The following RBM7 variants were observed in gnomAD, a reference collection of about 807,000 sequenced individuals.
RBM7 encodes RNA binding motif protein 7, also known as RNA-binding protein 7.
Under a neutral mutation model 31.0 loss-of-function variants are expected in RBM7, and 13 were observed. The observed-to-expected ratio is 0.42, with a 90% CI of 0.27 to 0.67. The LOEUF (loss-of-function observed/expected upper bound fraction) is 0.67. Ranked by LOEUF, RBM7 falls within the 30% of genes least tolerant of loss-of-function variation. The pLI is 0.24. For missense variants in RBM7, 245 were observed against 326.2 expected, an observed-to-expected ratio of 0.75 and a Z score of 1.92; for synonymous variants, 106 against 111.2, an observed-to-expected ratio of 0.95 and a Z score of 0.30.
chr11:114,409,372 T>TTTG lies in RBM7; in HGVS notation c.*1567_*1568insGTT, dbSNP rs1946309903. On this transcript the variant is annotated 3_prime_UTR_variant, in exon 5 of 5. Coordinates refer to ENST00000375490, the MANE Select transcript of RBM7 (RefSeq NM_001286045.2). ...ACGAAGATTAATACTGCATGTTTGT[T>TTTG]TTTGTTTTTTTTTTGAGACAGAGTC... is the stretch of plus-strand genomic sequence containing the variant. The TTTG allele has an allele frequency of 6.6e-6, 1 of 151,120 alleles. No homozygotes were observed. Among genetic ancestry groups the TTTG allele is most frequent in the Non-Finnish European group, 1.5e-5 (1 of 67,674 alleles). The allele number at this position is 151,120 out of a possible 1,614,324, so 9.4% of individuals were successfully genotyped here. A position where few individuals can be genotyped will look rare whatever the true frequency, so the allele number is the denominator to read the frequency against.
At chr11:114,403,961 A>G (rs1355849940) in intron 3 of RBM7, among the ~76,000 whole-genome samples, 1 of 152,228 alleles carries the variant, frequency 6.6e-6, no homozygotes, top group Non-Finnish European at 1.5e-5. Context: ...TAAGAGAAGG[A>G]GATGATATAG....
chr11:114,403,653 C>G, intron 3 of RBM7, among the ~76,000 whole-genome samples: 1 of 152,158 alleles, frequency 6.6e-6, no homozygotes, highest in East Asian at 1.9e-4. Flanking sequence ...TTCACCATAT[C>G]TTTTACATAT....
intron 4 of RBM7, chr11:114,406,064 A>T: frequency 3.0e-6 from 1 of 329,764 alleles, no homozygotes; most frequent in Non-Finnish European, 5.5e-6. Context: ...TAGAAGTAAA[A>T]CTGCTTTTAC....
intron 4 of RBM7, chr11:114,407,143 A>G (rs1192251388): frequency 4.2e-6 from 1 of 236,756 alleles, no homozygotes; most frequent in African/African-American, 2.3e-5. Flanking sequence ...TGCCACCTTC[A>G]TGAAACCTTT....
At chr11:114,404,970 A>C (rs1284847275) in intron 3 of RBM7, among the ~76,000 whole-genome samples, 2 of 152,224 alleles carry the variant, frequency 1.3e-5, no homozygotes, top group Non-Finnish European at 2.9e-5. Context: ...AATCCTCAAA[A>C]GTAATATCCT....
intron 1 of RBM7, 52 bp from the exon 2 acceptor site, chr11:114,401,646 G>A: frequency 7.5e-7 from 1 of 1,337,390 alleles, no homozygotes; most frequent in Non-Finnish European, 1.0e-6. Flanking sequence ...TAAAATTTGA[G>A]TATTTTCCCT....
chr11:114,407,197 A>G (rs1446469105), intron 4 of RBM7: 2 of 349,490 alleles, frequency 5.7e-6, no homozygotes, highest in Non-Finnish European at 1.0e-5. Flanking sequence ...TTACACAGTG[A>G]TTTTGCATTA....
Position 114,407,626 on chromosome 11 carries a change from A to G in RBM7, c.623A>G (p.Tyr208Cys). Residue 208 changes from tyrosine (Y) to cysteine (C), a missense_variant, in exon 5 of 5, where the codon TAC (tyrosine) becomes TGC (cysteine). Physicochemically the swap from Tyr to Cys is radical, Grantham distance 194. Transcript: ENST00000375490. ...QRKVRMNSYP[Y>C]LADRHYSREQ... Reference sequence around the variant, plus strand: ...AAAGTCAGAATGAATTCTTATCCCTACCTAGCAGATAGACATTATAGCCGG... The same window carrying G: ...AAAGTCAGAATGAATTCTTATCCCTGCCTAGCAGATAGACATTATAGCCGG... The G allele has an allele frequency of 1.2e-6, 2 of 1,614,106 alleles. No individual in the cohort carries two copies. Among genetic ancestry groups the G allele is most frequent in the South Asian group, 1.1e-5 (1 of 91,080 alleles).
At chr11:114,400,850 T>A in intron 1 of RBM7, 83 bp downstream of exon 1, 1 of 1,531,300 alleles carries the variant, frequency 6.5e-7, no homozygotes, top group Non-Finnish European at 8.9e-7. Context: ...TTTCTTTTCG[T>A]AGCCGTCAGG....
In RBM7 at chr11:114,407,480, A is replaced by C; in HGVS notation, c.477A>C (p.Gly159=). 6.2e-7 allele frequency: 1 copy of C among 1,613,848 alleles called. No homozygotes were observed. ...NSALRQMSYG[G]KFGSSPLDQS... is the part of the protein sequence containing the mutation. ...CTTTGAGACAAATGTCATATGGTGG[A>C]AAATTTGGTTCTTCACCTCTGGATC... Residue 159 remains glycine (G), a synonymous_variant, in exon 5 of 5, where the codon GGA becomes GGC. Coordinates refer to ENST00000375490, the MANE Select transcript of RBM7 (RefSeq NM_001286045.2).
chr11:114,402,784 T>C, intron 2 of RBM7, 44 bp from the exon 3 acceptor site: 1 of 1,505,222 alleles, frequency 6.6e-7, no homozygotes, highest in South Asian at 1.1e-5. Flanking sequence ...AATTTCAAAT[T>C]AGATTTTCTA....
At position 114,407,960 on chromosome 11, in the gene RBM7, T is replaced by G; in HGVS notation, c.*153T>G. Reference sequence around the variant, plus strand: ...TTTAAAGCTACAGTTTAATACAAAATGAATTGCGGTTTTATTACATTAATA... The same window carrying G: ...TTTAAAGCTACAGTTTAATACAAAAGGAATTGCGGTTTTATTACATTAATA... On this transcript the variant is annotated 3_prime_UTR_variant, in exon 5 of 5. Coordinates refer to ENST00000375490, the MANE Select transcript of RBM7 (RefSeq NM_001286045.2). 1.0e-5 allele frequency: 9 copies of G among 880,300 alleles called. No individual in the cohort carries two copies. The highest frequency in any genetic ancestry group is 1.5e-5 in the Non-Finnish European group (9 of 616,090). 54.5% of individuals were successfully genotyped at this position (880,300 alleles called of 1,614,324 possible). A position where few individuals can be genotyped will look rare whatever the true frequency, so the allele number is the denominator to read the frequency against.
intron 3 of RBM7, among the ~76,000 whole-genome samples, chr11:114,404,002 C>T (rs1023968240): frequency 6.6e-6 from 1 of 152,046 alleles, no homozygotes; most frequent in Non-Finnish European, 1.5e-5. Flanking sequence ...AGCCAGTGTA[C>T]CTAGATCATA....
At chr11:114,401,959 C>G in intron 2 of RBM7, 99 bp downstream of exon 2, 1 of 1,282,232 alleles carries the variant, frequency 7.8e-7, no homozygotes, top group Non-Finnish European at 1.1e-6. Flanking sequence ...AAACTTCTTT[C>G]TTAAGCATTG....
chr11:114,407,588 A>G lies in RBM7; in HGVS notation c.585A>G (p.Pro195=). 6 of 1,614,204 alleles carry G rather than the reference A, an allele frequency of 3.7e-6. No homozygotes were observed. The highest frequency in any genetic ancestry group is 5.1e-6 in the Non-Finnish European group (6 of 1,180,026). The change falls in exon 5 of 5, where the codon CCA becomes CCG. Residue 195 remains proline (P), a synonymous_variant. Coordinates refer to ENST00000375490, the MANE Select transcript of RBM7 (RefSeq NM_001286045.2). ...GCTCCCAGTGGCGCCAAGGTACACC[A>G]TCATCACAGCGTAAAGTCAGAATGA... ...SSSSQWRQGT[P]SSQRKVRMNS...
Position 114,401,709 on chromosome 11 carries a change from A to G in RBM7, c.108A>G (p.Val36=). The G allele has an allele frequency of 6.5e-7, 1 of 1,534,754 alleles. No homozygotes were observed. The highest frequency in any genetic ancestry group is 1.3e-5 in the South Asian group (1 of 76,958). ...LFELFHQAGP[V]IKVKIPKDKD... ...CTTTTTGTTTGTAGGCTGGGCCAGT[A>G]ATAAAGGTGAAAATTCCAAAAGATA... is the stretch of plus-strand genomic sequence containing the variant. The change falls in exon 2 of 5, where the codon GTA becomes GTG. Residue 36 remains valine (V), a synonymous_variant. Coordinates refer to ENST00000375490, the MANE Select transcript of RBM7 (RefSeq NM_001286045.2).
chr11:114,403,903 T>C (rs1447352839), intron 3 of RBM7, among the ~76,000 whole-genome samples: 1 of 152,196 alleles, frequency 6.6e-6, no homozygotes. Context: ...GTTCAATTAC[T>C]GTAATAAGTT....
rs1028881035 is a variant in RBM7 at position 114,408,662 on chromosome 11, CTG to C, written c.*859_*860del. 1 of 152,434 alleles carries C rather than the reference CTG, an allele frequency of 6.6e-6. No homozygotes were observed. The highest frequency in any genetic ancestry group is 2.4e-5 in the African/African-American group (1 of 41,450). 9.4% of individuals were successfully genotyped at this position (152,434 alleles called of 1,614,324 possible). On this transcript the variant is annotated 3_prime_UTR_variant, in exon 5 of 5. Transcript: ENST00000375490. The stretch of plus-strand genomic sequence containing the variant: ...CTTTAACATTTTCAAAGTGCCCAGA[CTG>C]TGTACAAAGACACATGTAATGGAGA...
Position 114,402,889 on chromosome 11 carries a change from A to G in RBM7, c.321A>G (p.Ser107=). 6.2e-7 allele frequency: 1 copy of G among 1,612,062 alleles called. No individual in the cohort carries two copies. The highest frequency in any genetic ancestry group is 8.5e-7 in the Non-Finnish European group (1 of 1,178,132). Residue 107 remains serine (S), a synonymous_variant, in exon 3 of 5, where the codon TCA becomes TCG. Coordinates refer to ENST00000375490, the MANE Select transcript of RBM7 (RefSeq NM_001286045.2). The part of the protein sequence containing the change: ...LSYPQHHVGN[S]SPTSTSPSSR... ...ATCCCCAACATCATGTTGGAAATTC[A>G]AGCCCTACCTCCACATCTCCTAGCA...
Sources: allele counts gnomAD v4.1 joint callset (sites outside exome capture counted in the v4.1 genomes callset), GRCh38; gene constraint gnomAD v4.1.1; transcripts MANE v1.5; gene names NCBI Gene and HGNC (gene_info 2026-07-23, HGNC 2026-07-21).